The following PI4KA variants were observed in gnomAD, a reference collection of about 807,000 sequenced individuals.
PI4KA encodes phosphatidylinositol 4-kinase alpha.
PI4KA carries 122 observed loss-of-function variants against 271.4 expected under a neutral mutation model. The observed-to-expected ratio is 0.45, with a 90% confidence interval of 0.39 to 0.52. The LOEUF is 0.52. Ranked by LOEUF, PI4KA falls within the 20% of genes least tolerant of loss-of-function variation. The probability of loss-of-function intolerance (pLI) is 0.00; values close to 1 mark genes in which losing one functional copy is unlikely to be tolerated. For synonymous variants in PI4KA, 1,041 were observed against 1,078.8 expected, an observed-to-expected ratio of 0.96 and a Z score of 0.69; for missense variants, 1,969 against 2,769.1, an observed-to-expected ratio of 0.71 and a Z score of 6.48.
intron 14 of PI4KA, 72 bp downstream of exon 14, chr22:20,801,901 A>C: frequency 2.0e-6 from 3 of 1,522,888 alleles, no homozygotes; most frequent in South Asian, 2.3e-5. Flanking sequence ...AGAAGTATAA[A>C]TGTCTCTTAT....
intron 3 of PI4KA, among the ~76,000 whole-genome samples, chr22:20,830,542 T>C (rs1454693677): frequency 6.6e-6 from 1 of 152,196 alleles, no homozygotes; most frequent in East Asian, 1.9e-4. Context: ...GGTGTCACTG[T>C]ATGTGGGATT....
chr22:20,755,657 T>C (rs1236806362), intron 23 of PI4KA, among the ~76,000 whole-genome samples: 2 of 151,872 alleles, frequency 1.3e-5, no homozygotes, highest in South Asian at 2.1e-4. Context: ...AAAAATTAGC[T>C]GGGCACGGTG....
intron 32 of PI4KA, among the ~76,000 whole-genome samples, chr22:20,737,628 CTTT>C (rs1174928168): frequency 8.6e-6 from 1 of 115,686 alleles, no homozygotes; most frequent in Non-Finnish European, 1.8e-5. Flanking sequence ...AGCCCCTACT[CTTT>C]TTCTTTTTTT....
intron 19 of PI4KA, 21 bp from the exon 20 acceptor site, chr22:20,765,714 G>A: frequency 2.0e-6 from 3 of 1,500,974 alleles, no homozygotes; most frequent in Non-Finnish European, 9.3e-7. Flanking sequence ...AAGAAGAGAG[G>A]GAGAAAGGAG....
In PI4KA at chr22:20,729,519, G is replaced by A. The variant is rs1927757327; in HGVS notation, c.4489-13C>T. 6.4e-7 allele frequency: 1 copy of A among 1,572,482 alleles called. No homozygotes were observed. Among genetic ancestry groups the A allele is most frequent in the South Asian group, 1.2e-5 (1 of 86,504 alleles). On this transcript the variant is annotated splice_polypyrimidine_tract_variant and intron_variant, in intron 38 of 54. Transcript: ENST00000255882. ...CGATCTCAGTGGCCTGGCAAGATAA[G>A]ACATAAGGCCTGATATGCACCCCTT... is the stretch of plus-strand genomic sequence containing the variant.
Position 20,742,619 on chromosome 22 carries a change from A to T in PI4KA, c.3602T>A (p.Ile1201Asn), listed in dbSNP as rs1371334314. Residue 1201 changes from isoleucine (I) to asparagine (N), a missense_variant, in exon 31 of 55, where the codon ATT becomes AAT. By Grantham distance (149) the Ile-to-Asn change is moderately radical. This residue lies in a region of PI4KA where 203 missense variants were observed against 256.8 expected (regional missense o/e 0.79). Transcript: ENST00000255882. ...CTTCAGTGAGTTACCTTTACTGCTA[A>T]TGAGCATTGCGGTCAGCTTGAACAT... Reference protein sequence around the residue: ...QAMFKLTAMLISSKDCDPQLL... With the variant: ...QAMFKLTAMLNSSKDCDPQLL... 9 of 1,614,064 alleles carry T rather than the reference A, an allele frequency of 5.6e-6. No individual in the cohort carries two copies. Among genetic ancestry groups the T allele is most frequent in the African/African-American group, 1.3e-5 (1 of 74,924 alleles).
chr22:20,764,931 C>T lies in PI4KA; in HGVS notation c.2594G>A (p.Arg865His), dbSNP rs1223766902. Residue 865 changes from arginine (R) to histidine (H), a missense_variant, in exon 22 of 55, where the codon CGC becomes CAC. Arg to His is a conservative substitution (Grantham distance 29, BLOSUM62 0). Transcript: ENST00000255882. ...TVTPAELSELRSTIINLLDPP... is the reference protein window; with the variant it reads ...TVTPAELSELHSTIINLLDPP... Reference sequence around the variant, plus strand: ...GTCCAGCAGGTTGATGATAGTGCTGCGGAGCTCACTCAGCTCAGCCTGGAG... The same window carrying T: ...GTCCAGCAGGTTGATGATAGTGCTGTGGAGCTCACTCAGCTCAGCCTGGAG... 9.9e-6 allele frequency: 16 copies of T among 1,610,180 alleles called. No homozygotes were observed. The highest frequency in any genetic ancestry group is 1.3e-5 in the Non-Finnish European group (15 of 1,177,196).
At chr22:20,842,184 C>T (rs967232697) in intron 1 of PI4KA, among the ~76,000 whole-genome samples, 29 of 151,710 alleles carry the variant, frequency 1.9e-4, no homozygotes, top group East Asian at 1.9e-4. Flanking sequence ...GCTGAGATTG[C>T]GCCACTGCAC....
chr22:20,768,512 AAGC>A (rs1932733747), intron 19 of PI4KA, among the ~76,000 whole-genome samples: 2 of 152,202 alleles, frequency 1.3e-5, no homozygotes, highest in Non-Finnish European at 2.9e-5. Context: ...AGATGGGAAA[AAGC>A]AGCCACATGT....
At chr22:20,773,883 G>A (rs780349226) in intron 19 of PI4KA, 6 of 152,270 alleles carry the variant, frequency 3.9e-5, no homozygotes, top group Non-Finnish European at 7.3e-5. Context: ...AAGGCTATGT[G>A]TGCATGCTAA....
At chr22:20,758,680 C>T (rs184343612) in intron 23 of PI4KA, among the ~76,000 whole-genome samples, 37 of 152,244 alleles carry the variant, frequency 2.4e-4, no homozygotes, top group African/African-American at 8.4e-4. Context: ...CAGAGCTTGA[C>T]AGCATCTCTC....
intron 19 of PI4KA, among the ~76,000 whole-genome samples, chr22:20,777,067 T>C (rs954701578): frequency 1.3e-5 from 2 of 152,032 alleles, no homozygotes; most frequent in African/African-American, 4.8e-5. Context: ...TTCTGTTTTT[T>C]GAGATAAGGA....
chr22:20,800,473 A>G (rs1172848910), intron 14 of PI4KA, among the ~76,000 whole-genome samples: 1 of 152,200 alleles, frequency 6.6e-6, no homozygotes, highest in Non-Finnish European at 1.5e-5. Flanking sequence ...CACAGAAAAC[A>G]AGGTAAAGAA....
intron 19 of PI4KA, among the ~76,000 whole-genome samples, chr22:20,787,998 T>C (rs899995487): frequency 2.6e-5 from 4 of 152,218 alleles, no homozygotes; most frequent in African/African-American, 9.6e-5. Context: ...TACCTGGTCC[T>C]GCAGTGGGTC....
intron 43 of PI4KA, among the ~76,000 whole-genome samples, chr22:20,720,021 G>A (rs1349646743): frequency 2.3e-5 from 2 of 87,542 alleles, no homozygotes; most frequent in African/African-American, 5.3e-5. Flanking sequence ...TCAAGACTCT[G>A]TCTCAAAAAA....
intron 8 of PI4KA, among the ~76,000 whole-genome samples, chr22:20,812,607 T>A (rs178049): frequency 0.46 from 69,495 of 151,946 alleles, 16,485 homozygotes; most frequent in African/African-American, 0.57. Context: ...CAGGCTGGAG[T>A]GCAGTGCTGC....
chr22:20,735,834 G>A (rs1478056374), intron 32 of PI4KA, among the ~76,000 whole-genome samples: 2 of 152,182 alleles, frequency 1.3e-5, no homozygotes, highest in Non-Finnish European at 1.5e-5. Flanking sequence ...CCTGCAGACC[G>A]ATTAGTCTTA....
At chr22:20,810,763 G>A (rs1935955991) in intron 9 of PI4KA, among the ~76,000 whole-genome samples, 1 of 152,128 alleles carries the variant, frequency 6.6e-6, no homozygotes, top group South Asian at 2.1e-4. Flanking sequence ...GAGGCACCCT[G>A]AGGTGACGTA....
chr22:20,761,459 TA>T, intron 22 of PI4KA, 73 bp from the exon 23 acceptor site: 2 of 868,432 alleles, frequency 2.3e-6, no homozygotes, highest in Non-Finnish European at 3.9e-6. Flanking sequence ...ACACTGCCCA[TA>T]AGTGGTAAGG....
Sources: gnomAD v4.1 joint callset for allele counts (sites outside exome capture counted in the v4.1 genomes callset) on GRCh38, gnomAD v4.1.1 for gene constraint, gnomAD v4.1.1 regional missense constraint, MANE v1.5 for transcripts, NCBI Gene and HGNC (gene_info 2026-07-23, HGNC 2026-07-21) for gene names.